The following KCTD16 variants were observed in gnomAD, a reference collection of about 807,000 sequenced individuals.
The protein encoded by KCTD16 is potassium channel tetramerization domain containing 16, also known as BTB/POZ domain-containing protein KCTD16.
KCTD16 carries 13 observed loss-of-function variants against 33.2 expected under a neutral mutation model. The ratio of observed to expected loss-of-function variants is 0.39; its 90% CI spans 0.25 to 0.62. KCTD16 has a LOEUF of 0.62. KCTD16 is among the 20% of genes least tolerant of loss of function. The pLI, the probability that KCTD16 is intolerant of heterozygous loss-of-function variation, is 0.50. For synonymous variants in KCTD16, 197 were observed against 195.3 expected (o/e 1.01, Z -0.07); for missense variants, 441 against 525.1 (o/e 0.84, Z 1.57).
intron 3 of KCTD16, among the ~76,000 whole-genome samples, chr5:144,446,671 A>C (rs1054371591): frequency 1.3e-5 from 2 of 152,174 alleles, no homozygotes; most frequent in Non-Finnish European, 1.5e-5. Context: ...ACAAAGGGCT[A>C]ATAACCAGAA....
chr5:144,477,558 C>G lies in KCTD16; in HGVS notation c.*3444C>G, dbSNP rs1034602715. 1 of 151,994 alleles carries G rather than the reference C, an allele frequency of 6.6e-6. No homozygotes were observed. Among genetic ancestry groups the G allele is most frequent in the African/African-American group, 2.4e-5 (1 of 41,392 alleles). 9.4% of individuals were successfully genotyped at this position (151,994 alleles called of 1,614,324 possible). A position where few individuals can be genotyped will look rare whatever the true frequency, so the allele number is the denominator to read the frequency against. On this transcript the variant is annotated 3_prime_UTR_variant, in exon 4 of 4. Coordinates refer to ENST00000512467, the MANE Select transcript of KCTD16 (RefSeq NM_020768.4). ...CACAGGTGTGTTGCTTGTTCTGGGC[C>G]CCATTACTGCCTGCGCTTCTGGATT...
Position 144,206,944 on chromosome 5 carries a change from G to A in KCTD16, c.230G>A (p.Arg77Lys). 6.2e-7 allele frequency: 1 copy of A among 1,614,178 alleles called. No homozygotes were observed. Among genetic ancestry groups the A allele is most frequent in the Non-Finnish European group, 8.5e-7 (1 of 1,180,004 alleles). The change falls in exon 3 of 4, where the codon AGA becomes AAA. Residue 77 changes from arginine to lysine, a missense_variant. This residue lies in a region of KCTD16 where 6 missense variants were observed against 23.6 expected (regional missense o/e 0.25). Coordinates refer to ENST00000512467, the MANE Select transcript of KCTD16 (RefSeq NM_020768.4). ...TCCAAGGGAAGGTTTTTCATTGACAGAGATGGATTCTTGTTCCGTTATATT... is the reference window on the plus strand; with the variant it reads ...TCCAAGGGAAGGTTTTTCATTGACAAAGATGGATTCTTGTTCCGTTATATT... ...KDSKGRFFID[R>K]DGFLFRYILD...
chr5:144,300,943 G>A (rs1183295437), intron 3 of KCTD16, among the ~76,000 whole-genome samples: 1 of 152,018 alleles, frequency 6.6e-6, no homozygotes, highest in Non-Finnish European at 1.5e-5. Flanking sequence ...GTAAGGTAGA[G>A]TCATAAAGAT....
At chr5:144,282,056 G>T (rs1755622128) in intron 3 of KCTD16, among the ~76,000 whole-genome samples, 1 of 152,128 alleles carries the variant, frequency 6.6e-6, no homozygotes, top group Non-Finnish European at 1.5e-5. Flanking sequence ...AGAATGATAA[G>T]AATTTTGTAA....
At chr5:144,411,754 G>A (rs1306595303) in intron 3 of KCTD16, among the ~76,000 whole-genome samples, 5 of 152,166 alleles carry the variant, frequency 3.3e-5, no homozygotes, top group Middle Eastern at 6.8e-3. Context: ...GACAATCCAT[G>A]TAATGGGAAA....
intron 3 of KCTD16, among the ~76,000 whole-genome samples, chr5:144,385,850 A>C (rs1241574986): frequency 6.6e-6 from 1 of 152,090 alleles, no homozygotes; most frequent in Non-Finnish European, 1.5e-5. Context: ...GTTCCTTACC[A>C]CTTCCTTTTT....
At chr5:144,247,225 T>G (rs1370994863) in intron 3 of KCTD16, among the ~76,000 whole-genome samples, 1 of 152,226 alleles carries the variant, frequency 6.6e-6, no homozygotes, top group African/African-American at 2.4e-5. Context: ...ATGATGGAAA[T>G]GATGACTATG....
At chr5:144,412,052 G>A (rs180882153) in intron 3 of KCTD16, among the ~76,000 whole-genome samples, 29 of 152,294 alleles carry the variant, frequency 1.9e-4, no homozygotes, top group African/African-American at 6.0e-4. Flanking sequence ...GTGGGGAAAG[G>A]TGAATGCTTG....
chr5:144,447,518 G>C (rs1753847328), intron 3 of KCTD16, among the ~76,000 whole-genome samples: 1 of 151,712 alleles, frequency 6.6e-6, no homozygotes, highest in African/African-American at 2.4e-5. Context: ...TAACAAACCT[G>C]CACGTTCCAC....
intron 3 of KCTD16, among the ~76,000 whole-genome samples, chr5:144,345,082 A>G (rs1386419690): frequency 7.9e-5 from 12 of 151,840 alleles, no homozygotes; most frequent in Admixed American, 7.9e-4. Context: ...GGGAATCATC[A>G]TTCTCAGTAA....
chr5:144,397,885 CTGA>C (rs1752610390), intron 3 of KCTD16, among the ~76,000 whole-genome samples: 1 of 152,158 alleles, frequency 6.6e-6, no homozygotes, highest in African/African-American at 2.4e-5. Context: ...GAATTTATCT[CTGA>C]TGTTAGTGAG....
chr5:144,303,765 G>C (rs577877970), intron 3 of KCTD16, among the ~76,000 whole-genome samples: 2 of 152,264 alleles, frequency 1.3e-5, no homozygotes, highest in South Asian at 4.1e-4. Context: ...TGTGAGGCTG[G>C]GGAGGTCATT....
At chr5:144,272,279 A>C (rs1755319909) in intron 3 of KCTD16, among the ~76,000 whole-genome samples, 1 of 152,010 alleles carries the variant, frequency 6.6e-6, no homozygotes, top group African/African-American at 2.4e-5. Context: ...GATACAAAAA[A>C]ATTAGCCAGA....
chr5:144,419,036 A>G (rs932364388), intron 3 of KCTD16, among the ~76,000 whole-genome samples: 1 of 152,110 alleles, frequency 6.6e-6, no homozygotes, highest in Non-Finnish European at 1.5e-5. Context: ...TCTCATTGCT[A>G]TTATCCTCAT....
chr5:144,424,428 G>A (rs1753278105), intron 3 of KCTD16, among the ~76,000 whole-genome samples: 1 of 152,136 alleles, frequency 6.6e-6, no homozygotes, highest in Non-Finnish European at 1.5e-5. Context: ...AAATCAGTAA[G>A]TACACAATCC....
intron 3 of KCTD16, among the ~76,000 whole-genome samples, chr5:144,372,534 C>G (rs1192191138): frequency 6.6e-6 from 1 of 152,082 alleles, no homozygotes. Flanking sequence ...ACAGCTATAC[C>G]ATGATATGTT....
At chr5:144,417,372 G>A (rs1272991292) in intron 3 of KCTD16, among the ~76,000 whole-genome samples, 13 of 151,992 alleles carry the variant, frequency 8.6e-5, no homozygotes, top group Non-Finnish European at 2.9e-5. Context: ...AATGACTAAT[G>A]AAATCAGGCA....
chr5:144,210,519 A>G (rs761833481), intron 3 of KCTD16, among the ~76,000 whole-genome samples: 16 of 152,206 alleles, frequency 1.1e-4, no homozygotes, highest in Non-Finnish European at 2.1e-4. Context: ...TTTCTTTACT[A>G]CTTTCCCAAC....
intron 3 of KCTD16, among the ~76,000 whole-genome samples, chr5:144,417,952 G>A (rs1018346898): frequency 3.3e-5 from 5 of 152,086 alleles, no homozygotes; most frequent in Non-Finnish European, 7.4e-5. Flanking sequence ...AAGATGGTGT[G>A]TCCGGAGTTT....
Sources: allele counts gnomAD v4.1 joint callset (sites outside exome capture counted in the v4.1 genomes callset), GRCh38; gene constraint gnomAD v4.1.1; regional missense constraint gnomAD v4.1.1; transcripts MANE v1.5; gene names NCBI Gene and HGNC (gene_info 2026-07-23, HGNC 2026-07-21).